The following LUZP2 variants were observed in gnomAD, a reference collection of about 807,000 sequenced individuals.
LUZP2 encodes leucine zipper protein 2.
LUZP2 carries 52 observed loss-of-function variants against 51.6 expected under a neutral mutation model. The ratio of observed to expected loss-of-function variants is 1.01; its 90% CI spans 0.81 to 1.27. The LOEUF is 1.27. Among genes scored for constraint, LUZP2 ranks in the 50% most tolerant of loss-of-function variants. The probability of loss-of-function intolerance (pLI) is 0.00; values close to 1 mark genes in which losing one functional copy is unlikely to be tolerated. For missense variants in LUZP2, 436 were observed against 395.4 expected (o/e 1.10, Z -0.87); for synonymous variants, 154 against 137.3 (o/e 1.12, Z -0.85).
intron 5 of LUZP2, among the ~76,000 whole-genome samples, chr11:24,880,239 G>A (rs1005620032): frequency 6.6e-6 from 1 of 151,704 alleles, no homozygotes; most frequent in African/African-American, 2.4e-5. Context: ...GTGACACTGA[G>A]TTTAGTGCAT....
intron 7 of LUZP2, among the ~76,000 whole-genome samples, chr11:24,947,064 C>T (rs1006599786): frequency 9.9e-5 from 15 of 151,998 alleles, no homozygotes; most frequent in Admixed American, 9.8e-4. Flanking sequence ...ACTTTTGACT[C>T]CCCAAGTAGT....
At chr11:24,983,464 G>T (rs996611417) in intron 9 of LUZP2, among the ~76,000 whole-genome samples, 171 bp downstream of exon 9, 1 of 151,794 alleles carries the variant, frequency 6.6e-6, no homozygotes, top group South Asian at 2.1e-4. Flanking sequence ...ATAGTCACTA[G>T]AAGAATGTTG....
chr11:25,049,646 A>C (rs1406494153), intron 9 of LUZP2, among the ~76,000 whole-genome samples: 1 of 152,002 alleles, frequency 6.6e-6, no homozygotes. Flanking sequence ...AAAATCAGTT[A>C]TTTTCTTATT....
At chr11:24,671,938 G>A (rs1487705942) in intron 1 of LUZP2, among the ~76,000 whole-genome samples, 1 of 151,920 alleles carries the variant, frequency 6.6e-6, no homozygotes, top group Non-Finnish European at 1.5e-5. Flanking sequence ...CTTGCTCTCA[G>A]TAGGAAAAAA....
At chr11:24,664,256 G>A (rs1007303577) in intron 1 of LUZP2, among the ~76,000 whole-genome samples, 22 of 152,264 alleles carry the variant, frequency 1.4e-4, no homozygotes, top group African/African-American at 5.3e-4. Flanking sequence ...GAGACTGGCA[G>A]CACTTTGCCC....
intron 5 of LUZP2, among the ~76,000 whole-genome samples, chr11:24,853,793 C>T (rs371328507): frequency 6.6e-6 from 1 of 152,122 alleles, no homozygotes; most frequent in Non-Finnish European, 1.5e-5. Context: ...TGGTGACCTA[C>T]GGATGGGGTT....
At chr11:24,884,822 T>C (rs1220448560) in intron 5 of LUZP2, among the ~76,000 whole-genome samples, 2 of 152,088 alleles carry the variant, frequency 1.3e-5, no homozygotes, top group African/African-American at 4.8e-5. Flanking sequence ...TCATAGATTG[T>C]GAACTCCTTG....
At chr11:24,998,928 T>A (rs1198875792) in intron 9 of LUZP2, among the ~76,000 whole-genome samples, 1 of 152,148 alleles carries the variant, frequency 6.6e-6, no homozygotes, top group Non-Finnish European at 1.5e-5. Flanking sequence ...TAGTTTAAAA[T>A]TTTAAAACTG....
intron 1 of LUZP2, among the ~76,000 whole-genome samples, chr11:24,705,518 A>G (rs1857551478): frequency 6.6e-6 from 1 of 152,212 alleles, no homozygotes; most frequent in African/African-American, 2.4e-5. Context: ...ACATTTATTG[A>G]TGCACATTGA....
intron 1 of LUZP2, among the ~76,000 whole-genome samples, chr11:24,620,923 A>G (rs1854474187): frequency 6.6e-6 from 1 of 152,204 alleles, no homozygotes; most frequent in Non-Finnish European, 1.5e-5. Context: ...AAAAAATGTC[A>G]TTACCAGTTG....
chr11:24,611,797 A>G lies in LUZP2; in HGVS notation c.62+114492A>G, dbSNP rs563687757. Among the ~76,000 whole-genome samples, 1 of 152,336 alleles carries G rather than the reference A, an allele frequency of 6.6e-6. No homozygotes were observed. Among genetic ancestry groups the G allele is most frequent in the Admixed American group, 6.5e-5 (1 of 15,302 alleles). On this transcript the variant is annotated intron_variant, in intron 1 of 11. Transcript: ENST00000336930. This position sits in a 1 kb window ranked among gnomAD's most constrained non-coding sequence, Gnocchi z 4.6. ...CCATTATACAAATAAGAAAAGGGAT[A>G]CAAAGAGACATAACCGTAATTTATA...
intron 7 of LUZP2, among the ~76,000 whole-genome samples, chr11:24,958,502 A>T (rs1252691981): frequency 6.6e-6 from 1 of 152,158 alleles, no homozygotes; most frequent in Non-Finnish European, 1.5e-5. Flanking sequence ...TCTGATGGCC[A>T]GTGATGATGA....
chr11:24,606,690 A>G (rs72880637), intron 1 of LUZP2, among the ~76,000 whole-genome samples: 133 of 152,170 alleles, frequency 8.7e-4, no homozygotes, highest in Non-Finnish European at 1.5e-3. Flanking sequence ...GCCACATCAT[A>G]TAATAGTTGT....
At chr11:24,832,029 A>T (rs1850718646) in intron 5 of LUZP2, 1 of 152,566 alleles carries the variant, frequency 6.6e-6, no homozygotes, top group Admixed American at 6.5e-5. Flanking sequence ...CAAAATAAAT[A>T]TGTGTGGAAT....
At chr11:24,661,666 T>C (rs1285757279) in intron 1 of LUZP2, among the ~76,000 whole-genome samples, 1 of 152,208 alleles carries the variant, frequency 6.6e-6, no homozygotes, top group Non-Finnish European at 1.5e-5. Context: ...ATATTCTGTT[T>C]CTTGGCTGAT....
chr11:24,684,072 A>G (rs1254714644), intron 1 of LUZP2, among the ~76,000 whole-genome samples: 3 of 151,844 alleles, frequency 2.0e-5, no homozygotes, highest in South Asian at 2.1e-4. Flanking sequence ...CCTCCCCTCA[A>G]TTTCTACTGC....
chr11:24,602,227 CATATATGTGT>C (rs80235769), intron 1 of LUZP2, among the ~76,000 whole-genome samples: 68,829 of 110,820 alleles, frequency 0.62, 22,982 homozygotes, highest in Middle Eastern at 0.76. Context: ...TATATATGTA[CATATATGTGT>C]ATATATGTAT....
At chr11:24,919,446 A>G (rs1293303087) in intron 7 of LUZP2, among the ~76,000 whole-genome samples, 1 of 117,680 alleles carries the variant, frequency 8.5e-6, no homozygotes, top group Non-Finnish European at 1.7e-5. Context: ...TATATTATAT[A>G]TGACATATAT....
At chr11:24,659,156 G>A (rs571720517) in intron 1 of LUZP2, among the ~76,000 whole-genome samples, 58 of 152,264 alleles carry the variant, frequency 3.8e-4, no homozygotes, top group African/African-American at 1.3e-3. Flanking sequence ...CAATAGCAAA[G>A]ACTTGGAACC....
Sources: allele counts gnomAD v4.1 joint callset (sites outside exome capture counted in the v4.1 genomes callset), GRCh38; gene constraint gnomAD v4.1.1; non-coding constraint Gnocchi (gnomAD v3.1); transcripts MANE v1.5; gene names NCBI Gene and HGNC (gene_info 2026-07-23, HGNC 2026-07-21).